Variants in PEX14 observed in about 807,000 individuals in gnomAD.
PEX14 encodes the protein peroxisomal membrane protein PEX14.
A neutral mutation model predicts 49.5 loss-of-function variants in PEX14; 15 were observed. The ratio of observed to expected loss-of-function variants is 0.30; its 90% confidence interval spans 0.20 to 0.47. PEX14 has a LOEUF of 0.47. Ranked by LOEUF, PEX14 falls within the 20% of genes least tolerant of loss-of-function variation. PEX14 has a pLI of 1.00. For synonymous variants in PEX14, 210 were observed against 212.7 expected (o/e 0.99, Z 0.11); for missense variants, 398 against 494.8 (o/e 0.80, Z 1.86).
intron 3 of PEX14, among the ~76,000 whole-genome samples, chr1:10,545,457 AGT>A (rs1260622425): frequency 6.6e-6 from 1 of 152,200 alleles, no homozygotes; most frequent in East Asian, 1.9e-4. Context: ...GTCATGTATG[AGT>A]GTACCAGCAT....
In PEX14 at chr1:10,490,997, GT is replaced by G. The variant is rs148792563; in HGVS notation, c.37-4261del. ...GGTGTGAACCACCATGCCCGGCCTTGTTTTTTTTTTTTTTTTAATCATGGAC... is the reference window on the plus strand; with the variant it reads ...GGTGTGAACCACCATGCCCGGCCTTGTTTTTTTTTTTTTTTAATCATGGAC... On this transcript the variant is annotated intron_variant, in intron 1 of 8. Coordinates refer to ENST00000356607, the MANE Select transcript of PEX14 (RefSeq NM_004565.3). Among the ~76,000 whole-genome samples, 483 of 135,762 alleles carry G rather than the reference GT, an allele frequency of 3.6e-3. 1 individual carries two copies. The highest frequency in any genetic ancestry group is 9.7e-3 in the East Asian group (45 of 4,626). 89.1% of individuals were successfully genotyped at this position (135,762 alleles called of 152,430 possible).
intron 3 of PEX14, among the ~76,000 whole-genome samples, chr1:10,559,683 G>T (rs1015220134): frequency 6.6e-6 from 1 of 152,188 alleles, no homozygotes; most frequent in African/African-American, 2.4e-5. Flanking sequence ...AAGAGTAAAT[G>T]AAACATGGAC....
intron 7 of PEX14, 32 bp downstream of exon 7, chr1:10,624,469 G>GC (rs756601063): frequency 4.9e-6 from 7 of 1,421,888 alleles, no homozygotes; most frequent in Non-Finnish European, 7.0e-6. Context: ...GGCCCTCCAG[G>GC]CCCAGGTCTG....
chr1:10,484,334 A>G (rs1036299150), intron 1 of PEX14, among the ~76,000 whole-genome samples: 10 of 151,452 alleles, frequency 6.6e-5, no homozygotes, highest in Non-Finnish European at 1.5e-4. Flanking sequence ...CACTGCGTCC[A>G]GCCAATTTTT....
intron 2 of PEX14, chr1:10,535,968 C>T (rs1017639431): frequency 1.7e-5 from 8 of 481,812 alleles, no homozygotes; most frequent in Non-Finnish European, 2.7e-5. Flanking sequence ...GAAGGATCGT[C>T]GCAGGCCTGA....
intron 2 of PEX14, among the ~76,000 whole-genome samples, chr1:10,515,145 A>G (rs1641949189): frequency 6.6e-6 from 1 of 152,174 alleles, no homozygotes; most frequent in Non-Finnish European, 1.5e-5. Flanking sequence ...TAATAAATGC[A>G]CTACTTAAAT....
chr1:10,505,196 A>G (rs1297957607), intron 2 of PEX14, among the ~76,000 whole-genome samples: 1 of 151,842 alleles, frequency 6.6e-6, no homozygotes, highest in African/African-American at 2.4e-5. Context: ...TAGGCTAGGT[A>G]TGGTGGCTCA....
chr1:10,561,897 T>C (rs1030014736), intron 3 of PEX14, among the ~76,000 whole-genome samples: 4 of 152,216 alleles, frequency 2.6e-5, no homozygotes, highest in African/African-American at 9.6e-5. Flanking sequence ...TATTATGTAC[T>C]CTTTAGTTCA....
chr1:10,501,342 G>T (rs1044141739), intron 2 of PEX14, among the ~76,000 whole-genome samples: 3 of 152,018 alleles, frequency 2.0e-5, no homozygotes, highest in African/African-American at 7.2e-5. Context: ...TTTTGCCCAG[G>T]CTAGAGTGCT....
intron 1 of PEX14, among the ~76,000 whole-genome samples, chr1:10,490,285 TCA>T (rs1285129112): frequency 1.3e-5 from 2 of 152,138 alleles, no homozygotes; most frequent in Admixed American, 6.6e-5. Flanking sequence ...CTATCTGGAG[TCA>T]CAGTCACCGG....
intron 4 of PEX14, chr1:10,617,140 A>G (rs1641448033): frequency 6.6e-6 from 1 of 152,102 alleles, no homozygotes; most frequent in African/African-American, 2.4e-5. Flanking sequence ...ATACAAATAA[A>G]GAGAAGAGAA....
intron 2 of PEX14, among the ~76,000 whole-genome samples, chr1:10,500,871 G>A (rs1292989887): frequency 1.3e-5 from 2 of 152,052 alleles, no homozygotes; most frequent in African/African-American, 2.4e-5. Context: ...CACCACGTCC[G>A]GCCCCACCAA....
At chr1:10,602,797 G>A (rs771094231) in intron 4 of PEX14, among the ~76,000 whole-genome samples, 7 of 152,182 alleles carry the variant, frequency 4.6e-5, no homozygotes, top group Non-Finnish European at 1.0e-4. Flanking sequence ...CAATCTGCAT[G>A]CTTATCACTG....
chr1:10,594,115 C>T (rs144286396), intron 3 of PEX14, among the ~76,000 whole-genome samples: 9 of 152,238 alleles, frequency 5.9e-5, no homozygotes, highest in Non-Finnish European at 7.3e-5. Context: ...GGTCATCCTA[C>T]GACTTTTAGA....
In PEX14 at chr1:10,501,784, G is replaced by A. The variant is rs1304586256; in HGVS notation, c.84+6463G>A. Among the ~76,000 whole-genome samples the A allele has an allele frequency of 2.0e-5, 3 of 152,264 alleles. No homozygotes were observed. The East Asian group carries it at 5.8e-4, about 30-fold the overall frequency. ...TAAAAAAAATTTAGCCAGATGTGGT[G>A]GCGAGTGCCTGTAGTCCTTGGGAGG... On this transcript the variant is annotated intron_variant, in intron 2 of 8. Coordinates refer to ENST00000356607, the MANE Select transcript of PEX14 (RefSeq NM_004565.3).
rs1351070199 is a variant in PEX14 at position 10,611,222 on chromosome 1, C to T, written c.299-7110C>T. Among the ~76,000 whole-genome samples the T allele has an allele frequency of 2.6e-5, 4 of 152,210 alleles. No homozygotes were observed. In the South Asian group the frequency reaches 8.3e-4, roughly 32 times the overall value. ...AGGTTGCAGTGAGCTGAGATTGCGC[C>T]ACTGCACTCCAGCCTGGGTGACAGA... On this transcript the variant is annotated intron_variant, in intron 4 of 8. Coordinates refer to ENST00000356607, the MANE Select transcript of PEX14 (RefSeq NM_004565.3).
intron 2 of PEX14, among the ~76,000 whole-genome samples, chr1:10,520,153 T>TTTTTTTTTTTTTTTTTTTTG (rs754714815): frequency 4.4e-5 from 4 of 91,910 alleles, no homozygotes; most frequent in Non-Finnish European, 4.7e-5. Context: ...TTCTTCTTTT[T>TTTTTTTTTTTTTTTTTTTTG]TTTTTTTTTG....
intron 2 of PEX14, chr1:10,528,286 C>T (rs1638550468): frequency 1.0e-6 from 1 of 982,108 alleles, no homozygotes; most frequent in Admixed American, 6.1e-5. Flanking sequence ...TCACCAATCT[C>T]CATCTGGCCG....
At chr1:10,598,507 C>T (rs994540478) in intron 3 of PEX14, among the ~76,000 whole-genome samples, 2 of 152,170 alleles carry the variant, frequency 1.3e-5, no homozygotes, top group African/African-American at 2.4e-5. Flanking sequence ...CTGCAGATGG[C>T]GCCCTGCCAC....
Sources: gnomAD v4.1 joint callset for allele counts (sites outside exome capture counted in the v4.1 genomes callset) on GRCh38, gnomAD v4.1.1 for gene constraint, MANE v1.5 for transcripts, NCBI Gene and HGNC (gene_info 2026-07-23, HGNC 2026-07-21) for gene names.